The following NFIB variants were observed in gnomAD, a reference collection of about 807,000 sequenced individuals.
The protein encoded by NFIB is nuclear factor 1 B-type.
Under a neutral mutation model 61.5 loss-of-function variants are expected in NFIB, and 11 were observed. The ratio of observed to expected loss-of-function variants is 0.18; its 90% CI spans 0.11 to 0.30. The LOEUF is 0.30. NFIB is among the 10% of genes least tolerant of loss of function. The pLI is 1.00. For missense variants in NFIB, 471 were observed against 608.9 expected (o/e 0.77, Z 2.38); for synonymous variants, 260 against 216.5 (o/e 1.20, Z -1.76).
chr9:14,200,323 A>G (rs931832981), intron 2 of NFIB, among the ~76,000 whole-genome samples: 1 of 152,194 alleles, frequency 6.6e-6, no homozygotes, highest in African/African-American at 2.4e-5. Flanking sequence ...AGTTTCTTAA[A>G]GTCTACAGAA....
the NFIB span, among the ~76,000 whole-genome samples, chr9:14,458,622 C>T: frequency 3.0e-4 from 46 of 152,286 alleles, no homozygotes; most frequent in East Asian, 6.6e-3. Context: ...AAGACCCCAT[C>T]GTCTCAGCTC....
chr9:14,085,407 A>G lies in NFIB; in HGVS notation c.*2902T>C, dbSNP rs187346168. 7.2e-3 allele frequency: 1,600 copies of G among 223,064 alleles called. 25 individuals are homozygous for G. Among genetic ancestry groups the G allele is most frequent in the African/African-American group, 0.033 (1,458 of 44,770 alleles). 13.8% of individuals were successfully genotyped at this position (223,064 alleles called of 1,614,324 possible). On this transcript the variant is annotated 3_prime_UTR_variant, in exon 11 of 11. Coordinates refer to ENST00000380953, the MANE Select transcript of NFIB (RefSeq NM_001190737.2). ...GGCGGTGAGGGAAAGGCAAAATAAA[A>G]CCAGCCTCCATTCAGCCTCTAGCCC...
the NFIB span, among the ~76,000 whole-genome samples, chr9:14,467,986 G>A: frequency 6.6e-6 from 1 of 152,200 alleles, no homozygotes; most frequent in Non-Finnish European, 1.5e-5. Flanking sequence ...CTTTAATCCT[G>A]TGGAGATGTC....
chr9:14,313,468 A>G lies in NFIB; in HGVS notation c.30+14T>C. The G allele has an allele frequency of 6.2e-7, 1 of 1,613,930 alleles. No homozygotes were observed. Among genetic ancestry groups the G allele is most frequent in the Non-Finnish European group, 8.5e-7 (1 of 1,179,912 alleles). On this transcript the variant is annotated intron_variant, in intron 1 of 10. Coordinates refer to ENST00000380953, the MANE Select transcript of NFIB (RefSeq NM_001190737.2). This position sits in a 1 kb window ranked among gnomAD's most constrained non-coding sequence, Gnocchi z 4.5. ...GCCAGAGAGAAAGCTCGAGAAAGCG[A>G]CCGAGACATGTACCTGAGTGAGACA...
intron 8 of NFIB, among the ~76,000 whole-genome samples, chr9:14,117,401 T>C (rs1326582805): frequency 1.3e-5 from 2 of 152,188 alleles, no homozygotes; most frequent in South Asian, 4.1e-4. Context: ...TATACCCATG[T>C]TGGAATTCTC....
intron 10 of NFIB, among the ~76,000 whole-genome samples, chr9:14,110,971 T>C (rs2037266731): frequency 6.6e-6 from 1 of 152,120 alleles, no homozygotes; most frequent in African/African-American, 2.4e-5. Context: ...TTTTCAGCTA[T>C]AAAGAACTTT....
intron 2 of NFIB, among the ~76,000 whole-genome samples, chr9:14,183,714 G>C (rs779202513): frequency 1.7e-4 from 26 of 152,022 alleles, no homozygotes; most frequent in Admixed American, 1.2e-3. Flanking sequence ...TTAGTGTCTG[G>C]AAAGATTTTG....
the NFIB span, among the ~76,000 whole-genome samples, chr9:14,419,083 T>C: frequency 6.6e-6 from 1 of 151,964 alleles, no homozygotes; most frequent in Non-Finnish European, 1.5e-5. Flanking sequence ...AGAGGCTGGC[T>C]TACTTTCAGA....
the NFIB span, among the ~76,000 whole-genome samples, chr9:14,456,152 A>G: frequency 6.6e-6 from 1 of 152,148 alleles, no homozygotes; most frequent in Non-Finnish European, 1.5e-5. Context: ...TGGTGATTTC[A>G]TATGATTCAC....
At chr9:14,246,493 A>G (rs555101685) in intron 2 of NFIB, among the ~76,000 whole-genome samples, 3 of 152,250 alleles carry the variant, frequency 2.0e-5, no homozygotes, top group African/African-American at 7.2e-5. Flanking sequence ...TCAACCCTGC[A>G]TTGTGTCCTC....
At chr9:14,492,037 G>T in the NFIB span, among the ~76,000 whole-genome samples, 1 of 152,104 alleles carries the variant, frequency 6.6e-6, no homozygotes, top group Admixed American at 6.5e-5. Flanking sequence ...TTCTCATGCT[G>T]CTATGAAGAA....
Position 14,313,733 on chromosome 9 carries a change from T to C in NFIB, c.-222A>G, listed in dbSNP as rs967813884. On this transcript the variant is annotated 5_prime_UTR_variant, in exon 1 of 11. Coordinates refer to ENST00000380953, the MANE Select transcript of NFIB (RefSeq NM_001190737.2). This position sits in a 1 kb window ranked among gnomAD's most constrained non-coding sequence, Gnocchi z 4.5. The stretch of plus-strand genomic sequence containing the variant: ...CTAGATTTCCAGGGGTGAAATCCAA[T>C]CTACACTTTTAACCCTCTTGCAGTC... The C allele has an allele frequency of 1.4e-6, 2 of 1,410,936 alleles. No individual in the cohort carries two copies. The highest frequency in any genetic ancestry group is 3.1e-5 in the South Asian group (2 of 65,486). The allele number at this position is 1,410,936 out of a possible 1,614,324, so 87.4% of individuals were successfully genotyped here.
the NFIB span, among the ~76,000 whole-genome samples, chr9:14,485,133 C>T: frequency 6.6e-6 from 1 of 152,174 alleles, no homozygotes; most frequent in Non-Finnish European, 1.5e-5. Flanking sequence ...TTGACCCTAT[C>T]CCCAGATACA....
At chr9:14,190,176 T>C (rs1293235592) in intron 2 of NFIB, among the ~76,000 whole-genome samples, 2 of 152,194 alleles carry the variant, frequency 1.3e-5, no homozygotes, top group Non-Finnish European at 2.9e-5. Flanking sequence ...ATGGGTTTTT[T>C]ATATCTTATG....
intron 2 of NFIB, among the ~76,000 whole-genome samples, chr9:14,216,917 G>A (rs2050991739): frequency 6.6e-6 from 1 of 152,144 alleles, no homozygotes; most frequent in African/African-American, 2.4e-5. Context: ...GCTTTACACT[G>A]AAAACTTTAA....
rs191830669 is a variant in NFIB at position 14,083,865 on chromosome 9, T to C, written c.*4444A>G. The C allele has an allele frequency of 2.7e-5, 6 of 225,146 alleles. No individual in the cohort carries two copies. Among genetic ancestry groups the C allele is most frequent in the African/African-American group, 1.1e-4 (5 of 44,898 alleles). The allele number at this position is 225,146 out of a possible 1,614,324, so 13.9% of individuals were successfully genotyped here. A position where few individuals can be genotyped will look rare whatever the true frequency, so the allele number is the denominator to read the frequency against. Reference sequence around the variant, plus strand: ...CGTTATGTGAGACATAGCACTGTTTTAGTTTTCTGCCTATCCTGAATGCTC... The same window carrying C: ...CGTTATGTGAGACATAGCACTGTTTCAGTTTTCTGCCTATCCTGAATGCTC... On this transcript the variant is annotated 3_prime_UTR_variant, in exon 11 of 11. Transcript: ENST00000380953.
At chr9:14,438,469 G>A in the NFIB span, among the ~76,000 whole-genome samples, 6,330 of 152,224 alleles carry the variant, frequency 0.042, 132 homozygotes, top group Non-Finnish European at 0.05. Flanking sequence ...TTACATTTTC[G>A]AGAGTAAACT....
chr9:14,303,999 C>T (rs1407556328), intron 2 of NFIB, among the ~76,000 whole-genome samples: 5 of 152,172 alleles, frequency 3.3e-5, no homozygotes, highest in Admixed American at 2.0e-4. Flanking sequence ...GACTGAATTG[C>T]GGTCAACCAG....
the NFIB span, among the ~76,000 whole-genome samples, chr9:14,513,501 G>T: frequency 6.6e-6 from 1 of 151,924 alleles, no homozygotes; most frequent in African/African-American, 2.4e-5. Flanking sequence ...GGTAGCGCAT[G>T]CCTGTAATCC....
Sources: gnomAD v4.1 joint callset for allele counts (sites outside exome capture counted in the v4.1 genomes callset) on GRCh38, gnomAD v4.1.1 for gene constraint, Gnocchi (gnomAD v3.1) non-coding constraint, MANE v1.5 for transcripts, NCBI Gene and HGNC (gene_info 2026-07-23, HGNC 2026-07-21) for gene names.